The following HP1BP3 variants were observed in gnomAD, a reference collection of about 807,000 sequenced individuals.
HP1BP3 encodes heterochromatin protein 1 binding protein 3, also known as heterochromatin protein 1-binding protein 3.
A neutral mutation model predicts 62.5 loss-of-function variants in HP1BP3; 12 were observed. That is an observed-to-expected ratio of 0.19 (90% CI 0.12 to 0.31). The LOEUF (loss-of-function observed/expected upper bound fraction) is 0.31. Ranked by LOEUF, HP1BP3 falls within the 10% of genes least tolerant of loss-of-function variation. The probability of loss-of-function intolerance (pLI) is 1.00; values close to 1 mark genes in which losing one functional copy is unlikely to be tolerated. For synonymous variants in HP1BP3, 260 were observed against 237.8 expected (o/e 1.09, Z -0.86); for missense variants, 502 against 651.8 (o/e 0.77, Z 2.50).
chr1:20,780,616 T>C, intron 1 of HP1BP3, 76 bp from the exon 2 acceptor site: 1 of 573,064 alleles, frequency 1.7e-6, no homozygotes. Context: ...TTAATACACA[T>C]CCAAAGGGAA....
At chr1:20,768,168 T>C (rs963445553) in intron 6 of HP1BP3, among the ~76,000 whole-genome samples, 1 of 152,190 alleles carries the variant, frequency 6.6e-6, no homozygotes, top group African/African-American at 2.4e-5. Flanking sequence ...ATTTTTTGGC[T>C]GGGCGCGGTG....
In HP1BP3 at chr1:20,785,766, C is replaced by A. The variant is rs113135134; in HGVS notation, c.-101+1429G>T. 6.3e-3 allele frequency among the ~76,000 whole-genome samples: 955 copies of A among 152,298 alleles called. 11 individuals are homozygous for A. Among genetic ancestry groups the A allele is most frequent in the African/African-American group, 0.022 (921 of 41,558 alleles). On this transcript the variant is annotated intron_variant, in intron 1 of 12. Coordinates refer to ENST00000438032, the MANE Select transcript of HP1BP3 (RefSeq NM_001372052.1). ...AGCTTAAAAACAAAGCCAAAACCAA[C>A]CAACCCAGCAAACTTTAAAATGTTA...
At chr1:20,751,390 T>A (rs767846376) in intron 9 of HP1BP3, among the ~76,000 whole-genome samples, 1 of 152,204 alleles carries the variant, frequency 6.6e-6, no homozygotes, top group Admixed American at 6.6e-5. Flanking sequence ...AATAGCCCTT[T>A]TAATCCTATG....
chr1:20,785,986 G>A (rs1037613359), intron 1 of HP1BP3, among the ~76,000 whole-genome samples: 2 of 152,162 alleles, frequency 1.3e-5, no homozygotes, highest in Non-Finnish European at 2.9e-5. Context: ...ACGTTATTTC[G>A]AATTGGATTC....
chr1:20,742,704 A>G lies in HP1BP3; in HGVS notation c.*2093T>C, dbSNP rs1254478372. ...AGCTTTTAAAATTTCATGTTTATTC[A>G]TATTTTTCAAAATATATGTACATTA... On this transcript the variant is annotated 3_prime_UTR_variant, in exon 13 of 13. Coordinates refer to ENST00000438032, the MANE Select transcript of HP1BP3 (RefSeq NM_001372052.1). 6.5e-6 allele frequency: 1 copy of G among 152,792 alleles called. No individual in the cohort carries two copies. The allele number at this position is 152,792 out of a possible 1,614,324, so 9.5% of individuals were successfully genotyped here. A position where few individuals can be genotyped will look rare whatever the true frequency, so the allele number is the denominator to read the frequency against.
At chr1:20,766,716 G>C (rs1050394086) in intron 7 of HP1BP3, among the ~76,000 whole-genome samples, 1 of 152,076 alleles carries the variant, frequency 6.6e-6, no homozygotes. Context: ...GAGGCAGGCA[G>C]ATCACCTGAG....
At chr1:20,778,063 C>G (rs2057380407) in intron 3 of HP1BP3, among the ~76,000 whole-genome samples, 1 of 152,204 alleles carries the variant, frequency 6.6e-6, no homozygotes, top group South Asian at 2.1e-4. Context: ...CAAGAATTTA[C>G]TATTAGTTAG....
chr1:20,771,204 A>C (rs1381052086), intron 5 of HP1BP3, 131 bp from the exon 6 acceptor site: 4 of 680,878 alleles, frequency 5.9e-6, no homozygotes, highest in Non-Finnish European at 1.0e-5. Context: ...TGAACTTCAG[A>C]AGACTTCAGT....
chr1:20,762,732 C>T (rs1386975773), intron 8 of HP1BP3, among the ~76,000 whole-genome samples: 1 of 152,120 alleles, frequency 6.6e-6, no homozygotes, highest in Non-Finnish European at 1.5e-5. Context: ...CCAACATACA[C>T]CTTACATATA....
intron 6 of HP1BP3, 58 bp downstream of exon 6, chr1:20,770,872 T>G (rs2057026904): frequency 2.3e-6 from 3 of 1,326,350 alleles, no homozygotes; most frequent in Non-Finnish European, 3.1e-6. Flanking sequence ...TGTTACTAAC[T>G]GTAGACTTAA....
At chr1:20,782,560 G>C (rs1557678002) in intron 1 of HP1BP3, among the ~76,000 whole-genome samples, 1 of 151,276 alleles carries the variant, frequency 6.6e-6, no homozygotes, top group African/African-American at 2.4e-5. Flanking sequence ...TTCCAGCCTA[G>C]GTGACAGAGC....
chr1:20,782,917 A>G (rs1298482309), intron 1 of HP1BP3, among the ~76,000 whole-genome samples: 2 of 150,672 alleles, frequency 1.3e-5, no homozygotes, highest in African/African-American at 2.4e-5. Flanking sequence ...AGAAAAAAAA[A>G]AAAAAAAAAA....
chr1:20,784,394 G>C (rs2057718025), intron 1 of HP1BP3, among the ~76,000 whole-genome samples: 1 of 151,366 alleles, frequency 6.6e-6, no homozygotes, highest in Non-Finnish European at 1.5e-5. Context: ...TGATGCCTAA[G>C]AACATACCAG....
Position 20,765,960 on chromosome 1 carries a change from G to A in HP1BP3, c.736-429C>T, listed in dbSNP as rs143425123. 4.1e-3 allele frequency among the ~76,000 whole-genome samples: 543 copies of A among 131,946 alleles called. 5 individuals carry two copies. The highest frequency in any genetic ancestry group is 0.014 in the African/African-American group (513 of 35,494). The allele number at this position is 131,946 out of a possible 152,430, so 86.6% of individuals were successfully genotyped here. A position where few individuals can be genotyped will look rare whatever the true frequency, so the allele number is the denominator to read the frequency against. On this transcript the variant is annotated intron_variant, in intron 7 of 12. Coordinates refer to ENST00000438032, the MANE Select transcript of HP1BP3 (RefSeq NM_001372052.1). ...AGCCTGGGTGACAGAACGAGACTCCGTCTCAAAAAAAAAAAAAAACAAAAA... is the reference window on the plus strand; with the variant it reads ...AGCCTGGGTGACAGAACGAGACTCCATCTCAAAAAAAAAAAAAAACAAAAA...
Position 20,740,761 on chromosome 1 carries a change from T to C in HP1BP3, c.*4036A>G, listed in dbSNP as rs2055059180. On this transcript the variant is annotated 3_prime_UTR_variant, in exon 13 of 13. Transcript: ENST00000438032. ...TGAGCACACGAGTTCAAAGCTGCAG[T>C]GAGCCAAGATCACACCACTGCGCTG... 6.6e-6 allele frequency among the ~76,000 whole-genome samples: 1 copy of C among 152,206 alleles called. No homozygotes were observed. The highest frequency in any genetic ancestry group is 2.4e-5 in the African/African-American group (1 of 41,452).
At chr1:20,781,091 G>A (rs1250317900) in intron 1 of HP1BP3, among the ~76,000 whole-genome samples, 1 of 151,952 alleles carries the variant, frequency 6.6e-6, no homozygotes, top group Non-Finnish European at 1.5e-5. Flanking sequence ...GAGAATAAAA[G>A]TATGCTTCTA....
In HP1BP3 at chr1:20,744,015, G is replaced by A. The variant is rs774700212; in HGVS notation, c.*782C>T. Reference sequence around the variant, plus strand: ...ACCCAGGAGGTGGAGGTTGCAGTGAGCTGAGATTGCACCACTGCACTCCGG... The same window carrying A: ...ACCCAGGAGGTGGAGGTTGCAGTGAACTGAGATTGCACCACTGCACTCCGG... On this transcript the variant is annotated 3_prime_UTR_variant, in exon 13 of 13. Coordinates refer to ENST00000438032, the MANE Select transcript of HP1BP3 (RefSeq NM_001372052.1). The A allele has an allele frequency of 6.6e-6, 1 of 152,246 alleles. No individual in the cohort carries two copies. The highest frequency in any genetic ancestry group is 6.6e-5 in the Admixed American group (1 of 15,260). 9.4% of individuals were successfully genotyped at this position (152,246 alleles called of 1,614,324 possible). A position where few individuals can be genotyped will look rare whatever the true frequency, so the allele number is the denominator to read the frequency against.
intron 1 of HP1BP3, among the ~76,000 whole-genome samples, chr1:20,782,250 C>T (rs1433754274): frequency 6.6e-6 from 1 of 151,972 alleles, no homozygotes; most frequent in Non-Finnish European, 1.5e-5. Context: ...CTAGCCTAGT[C>T]AACATTAGAC....
intron 8 of HP1BP3, among the ~76,000 whole-genome samples, chr1:20,762,487 G>T (rs1351380102): frequency 6.6e-6 from 1 of 152,030 alleles, no homozygotes; most frequent in Admixed American, 6.5e-5. Flanking sequence ...ATAAATCTTG[G>T]GATCCCCTAA....
Sources: gnomAD v4.1 joint callset for allele counts (sites outside exome capture counted in the v4.1 genomes callset) on GRCh38, gnomAD v4.1.1 for gene constraint, MANE v1.5 for transcripts, NCBI Gene and HGNC (gene_info 2026-07-23, HGNC 2026-07-21) for gene names.